The following CHAF1B variants were observed in gnomAD, a reference collection of about 807,000 sequenced individuals.
CHAF1B encodes the protein chromatin assembly factor 1 subunit B.
A neutral mutation model predicts 60.7 loss-of-function variants in CHAF1B; 10 were observed. The ratio of observed to expected loss-of-function variants is 0.16; its 90% CI spans 0.10 to 0.28. CHAF1B has a LOEUF of 0.28. CHAF1B is among the 10% of genes least tolerant of loss of function. The probability of loss-of-function intolerance (pLI) is 1.00; values close to 1 mark genes in which losing one functional copy is unlikely to be tolerated. For missense variants in CHAF1B, 558 were observed against 708.4 expected (o/e 0.79, Z 2.41); for synonymous variants, 261 against 266.1 (o/e 0.98, Z 0.19).
Position 36,386,355 on chromosome 21 carries a change from G to A in CHAF1B, c.126+93G>A, listed in dbSNP as rs951094848. On this transcript the variant is annotated intron_variant, in intron 2 of 13. Coordinates refer to ENST00000314103, the MANE Select transcript of CHAF1B (RefSeq NM_005441.3). ...AAACCAGTGTCGGCTGGGCGCGGTG[G>A]CTTACGCCTGTAATCCCAGTGCTTT... The A allele has an allele frequency of 2.7e-6, 4 of 1,486,602 alleles. No homozygotes were observed. In the African/African-American group the frequency reaches 4.2e-5, roughly 15 times the overall value. 92.1% of individuals were successfully genotyped at this position (1,486,602 alleles called of 1,614,324 possible).
chr21:36,415,268 C>T, intron 12 of CHAF1B, 27 bp from the exon 13 acceptor site: 1 of 1,347,642 alleles, frequency 7.4e-7, no homozygotes. Context: ...AGCCATCACC[C>T]CTCTACTTTT....
chr21:36,396,223 C>T (rs2086136199), intron 5 of CHAF1B, among the ~76,000 whole-genome samples: 1 of 151,584 alleles, frequency 6.6e-6, no homozygotes, highest in South Asian at 2.1e-4. Flanking sequence ...TGGTCCCAAA[C>T]TCCTGACTTG....
In CHAF1B at chr21:36,394,602, G is replaced by A. The variant is rs201731956; in HGVS notation, c.433G>A (p.Ala145Thr). 5 of 1,613,856 alleles carry A rather than the reference G, an allele frequency of 3.1e-6. No individual in the cohort carries two copies. The East Asian group carries it at 1.1e-4, about 36-fold the overall frequency. Residue 145 changes from alanine to threonine, a missense_variant, in exon 5 of 14, where the codon GCT becomes ACT. Physicochemically the swap from Ala to Thr is moderately conservative, Grantham distance 58. Around this residue, in one of 2 missense-constraint regions of CHAF1B, gnomAD observed 325 missense variants for 493.5 expected, o/e 0.66. Transcript: ENST00000314103. ...ICWATDGNLMASASVDNTAII... is the reference protein window; with the variant it reads ...ICWATDGNLMTSASVDNTAII... The stretch of plus-strand genomic sequence containing the variant: ...CTGGGCAACTGATGGGAATTTAATG[G>A]CTTCTGCCTCTGTGGATAACACAGC...
chr21:36,399,581 G>C lies in CHAF1B; in HGVS notation c.639G>C (p.Leu213=), dbSNP rs753676556. 1 of 1,613,978 alleles carries C rather than the reference G, an allele frequency of 6.2e-7. No individual in the cohort carries two copies. Among genetic ancestry groups the C allele is most frequent in the Non-Finnish European group, 8.5e-7 (1 of 1,179,948 alleles). ...KRVAFNVSKM[L]SGIGAEGEAR... ...TGGCTTTCAATGTTTCGAAGATGCT[G>C]TCTGGAATAGGGGCTGAAGGAGAGG... Residue 213 remains leucine, a synonymous_variant, in exon 7 of 14, where the codon CTG becomes CTC. Coordinates refer to ENST00000314103, the MANE Select transcript of CHAF1B (RefSeq NM_005441.3).
chr21:36,390,632 C>T (rs1267047534), intron 3 of CHAF1B, among the ~76,000 whole-genome samples: 1 of 152,150 alleles, frequency 6.6e-6, no homozygotes, highest in Non-Finnish European at 1.5e-5. Context: ...ATTTAATCCT[C>T]ACAACAGCCT....
chr21:36,393,853 T>C (rs114109249), intron 4 of CHAF1B, among the ~76,000 whole-genome samples: 4,665 of 152,208 alleles, frequency 0.031, 96 homozygotes, highest in Admixed American at 0.046. Context: ...CTGGAGATTG[T>C]CCTTATATTT....
Position 36,413,031 on chromosome 21 carries a change from T to C in CHAF1B, c.1209T>C (p.Ser403=). Residue 403 remains serine, a synonymous_variant, in exon 12 of 14, where the codon AGT becomes AGC. Transcript: ENST00000314103. ...RTPDTAKKTK[S]QTHRGSSPGP... ...CTGATACAGCAAAGAAAACCAAGAGTCAGACACATCGAGGGTCTTCGCCAG... is the reference window on the plus strand; with the variant it reads ...CTGATACAGCAAAGAAAACCAAGAGCCAGACACATCGAGGGTCTTCGCCAG... The C allele has an allele frequency of 3.1e-6, 5 of 1,613,766 alleles. No homozygotes were observed. The highest frequency in any genetic ancestry group is 2.5e-6 in the Non-Finnish European group (3 of 1,179,952).
intron 4 of CHAF1B, among the ~76,000 whole-genome samples, chr21:36,392,254 A>C (rs984440895): frequency 1.7e-4 from 26 of 152,150 alleles, no homozygotes; most frequent in African/African-American, 6.0e-4. Context: ...AAGGTTATAG[A>C]TTAGCAGCAT....
At chr21:36,415,137 A>G (rs2146378917) in intron 12 of CHAF1B, among the ~76,000 whole-genome samples, 158 bp from the exon 13 acceptor site, 1 of 152,322 alleles carries the variant, frequency 6.6e-6, no homozygotes, top group East Asian at 1.9e-4. Flanking sequence ...CAGTTATTAA[A>G]CAAGTGGGCA....
intron 3 of CHAF1B, among the ~76,000 whole-genome samples, chr21:36,389,791 G>C (rs997065433): frequency 7.3e-6 from 1 of 136,792 alleles, no homozygotes; most frequent in Non-Finnish European, 1.5e-5. Flanking sequence ...GTGTGTGTGT[G>C]TGTGTGTGTG....
At chr21:36,404,418 A>G (rs936455173) in intron 8 of CHAF1B, among the ~76,000 whole-genome samples, 222 of 132,922 alleles carry the variant, frequency 1.7e-3, no homozygotes, top group African/African-American at 6.2e-3. Flanking sequence ...TTTTTAAATT[A>G]TTTATTTTAT....
chr21:36,397,447 A>G lies in CHAF1B; in HGVS notation c.514A>G (p.Ser172Gly), dbSNP rs1439902393. 6.4e-7 allele frequency: 1 copy of G among 1,564,018 alleles called. No individual in the cohort carries two copies. Among genetic ancestry groups the G allele is most frequent in the Admixed American group, 1.7e-5 (1 of 57,668 alleles). The change falls in exon 6 of 14, where the codon AGT becomes GGT. Residue 172 changes from serine to glycine, a missense_variant. This residue lies in a region of CHAF1B where 325 missense variants were observed against 493.5 expected (regional missense o/e 0.66). Coordinates refer to ENST00000314103, the MANE Select transcript of CHAF1B (RefSeq NM_005441.3). Reference sequence around the variant, plus strand: ...GATATCAATTTTTAATGAACATAAAAGTTATGTCCAAGGAGTAACCTGGGA... The same window carrying G: ...GATATCAATTTTTAATGAACATAAAGGTTATGTCCAAGGAGTAACCTGGGA... Reference protein sequence around the residue: ...QKISIFNEHKSYVQGVTWDPL... With the variant: ...QKISIFNEHKGYVQGVTWDPL...
At chr21:36,412,205 C>G (rs754532461) in intron 11 of CHAF1B, among the ~76,000 whole-genome samples, 28 of 152,170 alleles carry the variant, frequency 1.8e-4, no homozygotes, top group Non-Finnish European at 3.2e-4. Flanking sequence ...CATTTGGGGA[C>G]TTCTGAGGCC....
rs1158351105 is a variant in CHAF1B at position 36,408,472 on chromosome 21, C to T, written c.758-289C>T. On this transcript the variant is annotated intron_variant, in intron 8 of 13. Transcript: ENST00000314103. ...GGAATTGCCTGGAGGCTCAACGGTG[C>T]CCTATGGCAAAGGCTCACTATGTTC... Among the ~76,000 whole-genome samples, 5 of 152,270 alleles carry T rather than the reference C, an allele frequency of 3.3e-5. No individual in the cohort carries two copies. In the East Asian group the frequency reaches 9.7e-4, roughly 29 times the overall value.
Position 36,417,098 on chromosome 21 carries a change from G to A in CHAF1B, c.*732G>A, listed in dbSNP as rs1284098069. 1 of 151,964 alleles carries A rather than the reference G, an allele frequency of 6.6e-6. No homozygotes were observed. The highest frequency in any genetic ancestry group is 1.5e-5 in the Non-Finnish European group (1 of 68,018). 9.4% of individuals were successfully genotyped at this position (151,964 alleles called of 1,614,324 possible). A position where few individuals can be genotyped will look rare whatever the true frequency, so the allele number is the denominator to read the frequency against. ...TATCTTTTTTGTTTTTTGAGACAGGGTCTTGCTCTGTTGCCCAGGCTGGAG... is the reference window on the plus strand; with the variant it reads ...TATCTTTTTTGTTTTTTGAGACAGGATCTTGCTCTGTTGCCCAGGCTGGAG... On this transcript the variant is annotated 3_prime_UTR_variant, in exon 14 of 14. Coordinates refer to ENST00000314103, the MANE Select transcript of CHAF1B (RefSeq NM_005441.3).
chr21:36,402,301 G>A (rs1361787837), intron 7 of CHAF1B, among the ~76,000 whole-genome samples: 1 of 152,156 alleles, frequency 6.6e-6, no homozygotes, highest in Non-Finnish European at 1.5e-5. Flanking sequence ...GACAGAGCGA[G>A]ACTCTGTATC....
chr21:36,407,080 T>C (rs7279180), intron 8 of CHAF1B, among the ~76,000 whole-genome samples: 12,034 of 152,194 alleles, frequency 0.079, 767 homozygotes, highest in African/African-American at 0.18. Flanking sequence ...GGTGGGTGGA[T>C]CACCTGAGGT....
In CHAF1B at chr21:36,412,485, G is replaced by C. The variant is rs57197480; in HGVS notation, c.1062-399G>C. ...AGCAATTCTCCTGCCTCAGCCTCCC[G>C]AATAGCTGGGATTACAGGCGCCCAC... On this transcript the variant is annotated intron_variant, in intron 11 of 13. Transcript: ENST00000314103. Among the ~76,000 whole-genome samples the C allele has an allele frequency of 1.4e-3, 207 of 151,976 alleles. 1 individual carries two copies. The East Asian group carries it at 0.014, about 10-fold the overall frequency.
rs756889046 is a variant in CHAF1B at position 36,413,113 on chromosome 21, G to T, written c.1291G>T (p.Gly431Cys). 1 of 1,613,838 alleles carries T rather than the reference G, an allele frequency of 6.2e-7. No homozygotes were observed. Among genetic ancestry groups the T allele is most frequent in the South Asian group, 1.1e-5 (1 of 91,054 alleles). The stretch of plus-strand genomic sequence containing the variant: ...CAGAACCCAAGACCCCAGCAGCCCC[G>T]GCACGACTCCCCCTCAGGCCAGACA... Reference protein sequence around the residue: ...ASRTQDPSSPGTTPPQARQAP... With the variant: ...ASRTQDPSSPCTTPPQARQAP... Residue 431 changes from glycine (G) to cysteine (C), a missense_variant, in exon 12 of 14, where the codon GGC becomes TGC. Around this residue, in one of 2 missense-constraint regions of CHAF1B, gnomAD observed 233 missense variants for 214.9 expected, o/e 1.08. Coordinates refer to ENST00000314103, the MANE Select transcript of CHAF1B (RefSeq NM_005441.3).
Sources: gnomAD v4.1 joint callset for allele counts (sites outside exome capture counted in the v4.1 genomes callset) on GRCh38, gnomAD v4.1.1 for gene constraint, gnomAD v4.1.1 regional missense constraint, MANE v1.5 for transcripts, NCBI Gene and HGNC (gene_info 2026-07-23, HGNC 2026-07-21) for gene names.